LUZP2: variants seen among roughly 807,000 people sequenced by gnomAD.
LUZP2 encodes leucine zipper protein 2.
LUZP2 carries 52 observed loss-of-function variants against 51.6 expected under a neutral mutation model. The ratio of observed to expected loss-of-function variants is 1.01; its 90% CI spans 0.81 to 1.27. The LOEUF is 1.27. Among genes scored for constraint, LUZP2 ranks in the 50% most tolerant of loss-of-function variants. The pLI is 0.00. For missense variants in LUZP2, 436 were observed against 395.4 expected (o/e 1.10, Z -0.87); for synonymous variants, 154 against 137.3 (o/e 1.12, Z -0.85).
At chr11:24,971,962 A>G (rs528309853) in intron 7 of LUZP2, among the ~76,000 whole-genome samples, 1 of 152,074 alleles carries the variant, frequency 6.6e-6, no homozygotes, top group African/African-American at 2.4e-5. Flanking sequence ...CACCATGGCA[A>G]GATCCTGTTT....
intron 9 of LUZP2, among the ~76,000 whole-genome samples, chr11:25,002,997 A>G (rs114720944): frequency 0.028 from 4,319 of 152,308 alleles, 194 homozygotes; most frequent in African/African-American, 0.094. Flanking sequence ...GGGTGAGAAT[A>G]AGCCAGTATA....
intron 5 of LUZP2, among the ~76,000 whole-genome samples, chr11:24,851,598 T>C (rs1046052045): frequency 2.6e-5 from 4 of 151,416 alleles, no homozygotes; most frequent in African/African-American, 7.3e-5. Context: ...GTAACTCTGA[T>C]AGGTTTTGGT....
chr11:24,888,623 A>G (rs1242620617), intron 5 of LUZP2, among the ~76,000 whole-genome samples: 1 of 152,064 alleles, frequency 6.6e-6, no homozygotes, highest in Non-Finnish European at 1.5e-5. Flanking sequence ...AGTTCCCAAA[A>G]AGTTGTAGGA....
At position 24,747,262 on chromosome 11, in the gene LUZP2, G is replaced by A. The variant is rs146925618; in HGVS notation, c.333+8960G>A. 2.2e-3 allele frequency among the ~76,000 whole-genome samples: 334 copies of A among 152,188 alleles called. 3 individuals are homozygous for A. Among genetic ancestry groups the A allele is most frequent in the Middle Eastern group, 0.01 (3 of 294 alleles). On this transcript the variant is annotated intron_variant, in intron 4 of 11. Transcript: ENST00000336930. The stretch of plus-strand genomic sequence containing the variant: ...ATTCCCTTGATGTGGTACTTTTCTC[G>A]TTTTCCTGTGGATGTTCATTCCTGT...
intron 9 of LUZP2, among the ~76,000 whole-genome samples, chr11:24,997,222 G>A (rs79608613): frequency 0.39 from 58,391 of 150,832 alleles, 13,562 homozygotes; most frequent in East Asian, 0.68. Context: ...TGAACTAGTT[G>A]ACAGTTCCAC....
rs576293596 is a variant in LUZP2, at chr11:24,809,145, A to G, written c.396+45837A>G. ...TGTAACAAAAGAGATCTGTATTCCAAAGTGAGCTGTATAATTGATTAAATG... is the reference window on the plus strand; with the variant it reads ...TGTAACAAAAGAGATCTGTATTCCAGAGTGAGCTGTATAATTGATTAAATG... On this transcript the variant is annotated intron_variant, in intron 5 of 11. Coordinates refer to ENST00000336930, the MANE Select transcript of LUZP2 (RefSeq NM_001009909.4). Among the ~76,000 whole-genome samples the G allele has an allele frequency of 8.5e-5, 13 of 152,288 alleles. No homozygotes were observed. In the South Asian group the frequency reaches 2.3e-3, roughly 27 times the overall value.
chr11:24,924,552 TG>T (rs1170401893), intron 7 of LUZP2, among the ~76,000 whole-genome samples: 2 of 152,164 alleles, frequency 1.3e-5, no homozygotes, highest in African/African-American at 4.8e-5. Flanking sequence ...AAAATCCACC[TG>T]TAAATCAAAA....
Position 24,602,383 on chromosome 11 carries a change from T to TACACACACACAC in LUZP2, c.62+105079_62+105080insCACACACACACA, listed in dbSNP as rs550126763. Among the ~76,000 whole-genome samples the TACACACACACAC allele has an allele frequency of 7.0e-5, 3 of 43,140 alleles. No individual in the cohort carries two copies. In the Admixed American group the frequency reaches 1.1e-3, roughly 16 times the overall value. The allele number at this position is 43,140 out of a possible 152,430, so 28.3% of individuals were successfully genotyped here. Reference sequence around the variant, plus strand: ...TTTAAAGTGTGTGTGTGTATATATATATATACACACACACACACACACACA... The same window carrying TACACACACACAC: ...TTTAAAGTGTGTGTGTGTATATATATACACACACACACATATACACACACACACACACACACA... On this transcript the variant is annotated intron_variant, in intron 1 of 11. Coordinates refer to ENST00000336930, the MANE Select transcript of LUZP2 (RefSeq NM_001009909.4).
intron 7 of LUZP2, among the ~76,000 whole-genome samples, chr11:24,962,451 G>A (rs1221550657): frequency 1.3e-5 from 2 of 152,120 alleles, no homozygotes; most frequent in South Asian, 2.1e-4. Context: ...TTTCTTGGAG[G>A]CTTTGTTCAT....
chr11:24,593,137 T>C (rs1853315692), intron 1 of LUZP2, among the ~76,000 whole-genome samples: 1 of 152,190 alleles, frequency 6.6e-6, no homozygotes, highest in Non-Finnish European at 1.5e-5. Context: ...GCTTAGACAG[T>C]CCATTTTTGG....
chr11:24,811,102 T>A (rs2134136002), intron 5 of LUZP2, among the ~76,000 whole-genome samples: 1 of 152,272 alleles, frequency 6.6e-6, no homozygotes, highest in East Asian at 1.9e-4. Flanking sequence ...GACTTCAGGT[T>A]GTTATTGAAG....
chr11:24,979,497 T>C (rs1855968264), intron 8 of LUZP2, among the ~76,000 whole-genome samples: 1 of 151,878 alleles, frequency 6.6e-6, no homozygotes, highest in Admixed American at 6.6e-5. Context: ...ATATAATATC[T>C]GGAATTTAAA....
chr11:24,788,983 C>T (rs915855938), intron 5 of LUZP2, among the ~76,000 whole-genome samples: 2 of 152,294 alleles, frequency 1.3e-5, no homozygotes, highest in Middle Eastern at 3.4e-3. Context: ...TTTGATCAAA[C>T]TTCTGGGCAC....
intron 9 of LUZP2, among the ~76,000 whole-genome samples, chr11:25,004,267 C>T (rs1478248278): frequency 6.6e-6 from 1 of 152,172 alleles, no homozygotes; most frequent in East Asian, 1.9e-4. Flanking sequence ...TTGTTTCTCA[C>T]TGGACAATCT....
chr11:24,648,144 T>C (rs942645798), intron 1 of LUZP2, among the ~76,000 whole-genome samples: 2 of 152,006 alleles, frequency 1.3e-5, no homozygotes, highest in African/African-American at 2.4e-5. Context: ...GCATATTATC[T>C]TTATTTCGAT....
chr11:24,783,223 C>A (rs1402425898), intron 5 of LUZP2, among the ~76,000 whole-genome samples: 4 of 151,962 alleles, frequency 2.6e-5, no homozygotes, highest in Non-Finnish European at 5.9e-5. Context: ...CTTTATAAAG[C>A]ATTTTGTTAA....
chr11:24,587,902 T>C (rs1413526916), intron 1 of LUZP2, among the ~76,000 whole-genome samples: 1 of 152,082 alleles, frequency 6.6e-6, no homozygotes, highest in East Asian at 1.9e-4. Flanking sequence ...CCATGGATGC[T>C]GGACATTATA....
intron 10 of LUZP2, among the ~76,000 whole-genome samples, 158 bp downstream of exon 10, chr11:25,050,288 GTTCTTTT>G (rs1858454740): frequency 1.5e-5 from 1 of 66,424 alleles, no homozygotes; most frequent in Non-Finnish European, 3.3e-5. Context: ...TGTTCTTTAT[GTTCTTTT>G]TTTTTTTTTT....
At chr11:24,802,884 G>A (rs976070370) in intron 5 of LUZP2, among the ~76,000 whole-genome samples, 5 of 152,024 alleles carry the variant, frequency 3.3e-5, no homozygotes, top group African/African-American at 7.2e-5. Context: ...ATAAAAGGTT[G>A]AAGAGAGCAT....
Sources: gnomAD v4.1 joint callset for allele counts (sites outside exome capture counted in the v4.1 genomes callset) on GRCh38, gnomAD v4.1.1 for gene constraint, MANE v1.5 for transcripts, NCBI Gene and HGNC (gene_info 2026-07-23, HGNC 2026-07-21) for gene names.